NEGR1: variants seen among roughly 807,000 people sequenced by gnomAD.
NEGR1 encodes the protein neuronal growth regulator 1.
A neutral mutation model predicts 40.9 loss-of-function variants in NEGR1; 10 were observed. That is an observed-to-expected ratio of 0.24 (90% CI 0.15 to 0.42). NEGR1 has a LOEUF of 0.42. Ranked by LOEUF, NEGR1 falls within the 10% of genes least tolerant of loss-of-function variation. NEGR1 has a pLI of 1.00. For synonymous variants in NEGR1, 185 were observed against 166.8 expected, an observed-to-expected ratio of 1.11 and a Z score of -0.84; for missense variants, 352 against 438.9, an observed-to-expected ratio of 0.80 and a Z score of 1.77.
At chr1:71,716,608 T>C (rs1023286588) in intron 3 of NEGR1, among the ~76,000 whole-genome samples, 1 of 152,226 alleles carries the variant, frequency 6.6e-6, no homozygotes, top group Non-Finnish European at 1.5e-5. Flanking sequence ...AATATAATTT[T>C]ATTTTGTAAA....
At chr1:71,649,282 C>A (rs1651631064) in intron 4 of NEGR1, among the ~76,000 whole-genome samples, 1 of 152,010 alleles carries the variant, frequency 6.6e-6, no homozygotes, top group South Asian at 2.1e-4. Flanking sequence ...TTCAGAGGGA[C>A]AATTTGGCAA....
At chr1:71,988,474 G>T (rs1646420209) in intron 1 of NEGR1, among the ~76,000 whole-genome samples, 1 of 145,856 alleles carries the variant, frequency 6.9e-6, no homozygotes, top group Non-Finnish European at 1.5e-5. Flanking sequence ...GGGAAGCGGA[G>T]CTTGCAGTGA....
chr1:71,826,308 A>G (rs1219606711), intron 2 of NEGR1, among the ~76,000 whole-genome samples: 1 of 151,906 alleles, frequency 6.6e-6, no homozygotes, highest in African/African-American at 2.4e-5. Flanking sequence ...TTTCATGATG[A>G]TAGAGTTTTG....
chr1:71,600,206 C>G (rs1312771452), intron 5 of NEGR1, among the ~76,000 whole-genome samples: 1 of 152,138 alleles, frequency 6.6e-6, no homozygotes, highest in Non-Finnish European at 1.5e-5. Flanking sequence ...AAGAATGGCT[C>G]TACTTTATAT....
chr1:71,880,109 A>G (rs7523405), intron 2 of NEGR1, among the ~76,000 whole-genome samples: 3,618 of 152,206 alleles, frequency 0.024, 61 homozygotes, highest in South Asian at 0.048. Flanking sequence ...GTTAACTTTA[A>G]ACTTTCAGAT....
At chr1:71,910,710 G>A (rs377631436) in intron 2 of NEGR1, among the ~76,000 whole-genome samples, 67 of 152,122 alleles carry the variant, frequency 4.4e-4, no homozygotes, top group Middle Eastern at 3.4e-3. Flanking sequence ...TTTTGTTTTT[G>A]TTTTTGAGAC....
At position 71,848,131 on chromosome 1, in the gene NEGR1, A is replaced by G. The variant is rs560681874; in HGVS notation, c.410-71834T>C. Among the ~76,000 whole-genome samples the G allele has an allele frequency of 8.1e-4, 123 of 152,194 alleles. 1 individual carries two copies. Among genetic ancestry groups the G allele is most frequent in the Non-Finnish European group, 1.4e-3 (94 of 68,026 alleles). ...GAATGCTGAGAAAGGTGAGGAAGCT[A>G]CAGAGAAAAAAGTTGGAAGCTAATA... On this transcript the variant is annotated intron_variant, in intron 2 of 6. Coordinates refer to ENST00000357731, the MANE Select transcript of NEGR1 (RefSeq NM_173808.3).
chr1:72,263,675 T>G (rs193050425), intron 1 of NEGR1, among the ~76,000 whole-genome samples: 1 of 151,746 alleles, frequency 6.6e-6, no homozygotes, highest in East Asian at 1.9e-4. Flanking sequence ...TAAAGTTATC[T>G]ATACTTGAAT....
chr1:72,167,048 C>T (rs566059924), intron 1 of NEGR1, among the ~76,000 whole-genome samples: 1 of 152,146 alleles, frequency 6.6e-6, no homozygotes, highest in East Asian at 1.9e-4. Flanking sequence ...CTAGGCCAAT[C>T]CCTGAAGGTA....
chr1:72,165,731 A>G (rs938791690), intron 1 of NEGR1, among the ~76,000 whole-genome samples: 1 of 151,980 alleles, frequency 6.6e-6, no homozygotes, highest in African/African-American at 2.4e-5. Flanking sequence ...AAAACTATCC[A>G]TCAAACTATG....
At position 71,842,767 on chromosome 1, in the gene NEGR1, G is replaced by A. The variant is rs532696648; in HGVS notation, c.410-66470C>T. Among the ~76,000 whole-genome samples the A allele has an allele frequency of 2.4e-4, 37 of 152,200 alleles. 1 individual carries two copies. In the South Asian group the frequency reaches 7.7e-3, roughly 32 times the overall value. ...AAGTAAAACATTTGATTTCTAAGAT[G>A]TGCCTAACAATGTTATCATTAAATT... is the stretch of plus-strand genomic sequence containing the variant. On this transcript the variant is annotated intron_variant, in intron 2 of 6. Coordinates refer to ENST00000357731, the MANE Select transcript of NEGR1 (RefSeq NM_173808.3).
At chr1:72,235,678 T>TG (rs1160816754) in intron 1 of NEGR1, among the ~76,000 whole-genome samples, 1 of 151,816 alleles carries the variant, frequency 6.6e-6, no homozygotes, top group East Asian at 1.9e-4. Flanking sequence ...ATGGGAAAAG[T>TG]GAAAAAAGTG....
chr1:71,633,486 G>A (rs1028161773), intron 4 of NEGR1, among the ~76,000 whole-genome samples: 6 of 152,024 alleles, frequency 3.9e-5, no homozygotes, highest in Non-Finnish European at 5.9e-5. Context: ...GGGAAGATTG[G>A]CTCAATTCAG....
intron 2 of NEGR1, among the ~76,000 whole-genome samples, chr1:71,927,059 T>C (rs1277069221): frequency 6.6e-6 from 1 of 152,150 alleles, no homozygotes; most frequent in Admixed American, 6.5e-5. Context: ...AGAATTTTAC[T>C]AAAAGTAGCT....
chr1:72,119,947 T>C (rs1649734286), intron 1 of NEGR1, among the ~76,000 whole-genome samples: 1 of 151,980 alleles, frequency 6.6e-6, no homozygotes, highest in South Asian at 2.1e-4. Context: ...AACTGGGTCT[T>C]ATAGTGAGTT....
intron 2 of NEGR1, among the ~76,000 whole-genome samples, chr1:71,925,925 A>G (rs539518116): frequency 6.6e-6 from 1 of 152,132 alleles, no homozygotes; most frequent in African/African-American, 2.4e-5. Context: ...GACATGTATT[A>G]CTTACACAGT....
rs187845857 is a variant in NEGR1, at chr1:71,911,091, T to G, written c.409+23988A>C. 1.9e-3 allele frequency among the ~76,000 whole-genome samples: 292 copies of G among 152,294 alleles called. 2 individuals are homozygous for G. Among genetic ancestry groups the G allele is most frequent in the African/African-American group, 6.7e-3 (278 of 41,546 alleles). ...CTAGTGAGAGAAATGTAATTCTATTTTTTATTGAAATCACTGTCTAGATAC... is the reference window on the plus strand; with the variant it reads ...CTAGTGAGAGAAATGTAATTCTATTGTTTATTGAAATCACTGTCTAGATAC... On this transcript the variant is annotated intron_variant, in intron 2 of 6. Coordinates refer to ENST00000357731, the MANE Select transcript of NEGR1 (RefSeq NM_173808.3).
intron 6 of NEGR1, among the ~76,000 whole-genome samples, chr1:71,587,664 GCACACACACACACA>G (rs67250351): frequency 2.7e-5 from 4 of 150,568 alleles, no homozygotes; most frequent in African/African-American, 9.8e-5. Flanking sequence ...ACACACACAT[GCACACACACACACA>G]CACACACACA....
chr1:72,069,196 G>A (rs1647358841), intron 1 of NEGR1, among the ~76,000 whole-genome samples: 1 of 152,042 alleles, frequency 6.6e-6, no homozygotes, highest in African/African-American at 2.4e-5. Flanking sequence ...CACTGTTTGA[G>A]CTCAAGAGTT....
Sources: allele counts gnomAD v4.1 joint callset (sites outside exome capture counted in the v4.1 genomes callset), GRCh38; gene constraint gnomAD v4.1.1; transcripts MANE v1.5; gene names NCBI Gene and HGNC (gene_info 2026-07-23, HGNC 2026-07-21).